MARCHF1: variants seen among roughly 807,000 people sequenced by gnomAD.
MARCHF1 encodes the protein E3 ubiquitin-protein ligase MARCHF1.
MARCHF1 carries 40 observed loss-of-function variants against 54.2 expected under a neutral mutation model. That is an observed-to-expected ratio of 0.74 (90% CI 0.57 to 0.96). The LOEUF (loss-of-function observed/expected upper bound fraction) is 0.96. Among genes scored for constraint, MARCHF1 ranks in the 40% least tolerant of loss-of-function variants. The pLI is 0.00. For missense variants in MARCHF1, 586 were observed against 656.5 expected, an observed-to-expected ratio of 0.89 and a Z score of 1.17; for synonymous variants, 236 against 236.3, an observed-to-expected ratio of 1.00 and a Z score of 0.01.
intron 1 of MARCHF1, among the ~76,000 whole-genome samples, chr4:164,312,752 T>C (rs145092867): frequency 1.3e-5 from 2 of 152,294 alleles, no homozygotes; most frequent in East Asian, 3.9e-4. Flanking sequence ...AATATATATA[T>C]ATACATATCA....
intron 3 of MARCHF1, among the ~76,000 whole-genome samples, chr4:163,903,323 T>A (rs1471122595): frequency 6.6e-6 from 1 of 152,172 alleles, no homozygotes; most frequent in Non-Finnish European, 1.5e-5. Context: ...TTGGAAATTC[T>A]ACTGCAGCTT....
At chr4:163,739,852 A>G (rs1746146354) in intron 4 of MARCHF1, among the ~76,000 whole-genome samples, 1 of 152,194 alleles carries the variant, frequency 6.6e-6, no homozygotes, top group South Asian at 2.1e-4. Context: ...ATCTTGTCCT[A>G]TTGTAAAAAA....
At chr4:164,281,700 C>A (rs1298606852) in intron 1 of MARCHF1, among the ~76,000 whole-genome samples, 3 of 152,064 alleles carry the variant, frequency 2.0e-5, no homozygotes, top group Non-Finnish European at 4.4e-5. Context: ...ACCTGAATAA[C>A]ACATTAAATT....
chr4:164,041,344 C>T (rs1336689767), intron 2 of MARCHF1, among the ~76,000 whole-genome samples: 1 of 152,114 alleles, frequency 6.6e-6, no homozygotes, highest in Non-Finnish European at 1.5e-5. Context: ...TATATCTAGA[C>T]TTTTTATTAT....
intron 1 of MARCHF1, among the ~76,000 whole-genome samples, chr4:164,363,021 C>G (rs2110930963): frequency 6.6e-6 from 1 of 152,156 alleles, no homozygotes; most frequent in Non-Finnish European, 1.5e-5. Context: ...AGTCCAACAA[C>G]CCAGAAGGTA....
chr4:164,346,041 A>G (rs1730083952), intron 1 of MARCHF1, among the ~76,000 whole-genome samples: 1 of 152,198 alleles, frequency 6.6e-6, no homozygotes, highest in African/African-American at 2.4e-5. Context: ...TTTCAGGCCA[A>G]TGGTTTGATT....
chr4:164,177,811 A>AGT (rs1730729310), intron 1 of MARCHF1, among the ~76,000 whole-genome samples: 1 of 97,206 alleles, frequency 1.0e-5, no homozygotes, highest in Non-Finnish European at 2.7e-5. Context: ...AAAGAGACAC[A>AGT]CACACACACA....
At chr4:164,375,022 T>C (rs955169354) in intron 1 of MARCHF1, among the ~76,000 whole-genome samples, 1 of 152,160 alleles carries the variant, frequency 6.6e-6, no homozygotes, top group African/African-American at 2.4e-5. Flanking sequence ...AAAGGAAATA[T>C]AGCTCTAAGT....
chr4:163,837,051 T>C (rs1261209623), intron 4 of MARCHF1, among the ~76,000 whole-genome samples: 1 of 152,170 alleles, frequency 6.6e-6, no homozygotes, highest in Non-Finnish European at 1.5e-5. Context: ...TTATCATATT[T>C]GTATAATCAT....
At chr4:164,078,254 C>A (rs1755019944) in intron 2 of MARCHF1, among the ~76,000 whole-genome samples, 1 of 152,098 alleles carries the variant, frequency 6.6e-6, no homozygotes, top group Non-Finnish European at 1.5e-5. Context: ...TGGAAATCAT[C>A]ATTCTCAGCA....
chr4:163,933,163 C>A (rs1751717839), intron 3 of MARCHF1: 2 of 815,144 alleles, frequency 2.5e-6, no homozygotes, highest in Admixed American at 1.9e-5. Context: ...AGACAGCACC[C>A]TCATTATGGA....
At chr4:163,861,878 A>C (rs1749944720) in intron 3 of MARCHF1, among the ~76,000 whole-genome samples, 1 of 152,060 alleles carries the variant, frequency 6.6e-6, no homozygotes, top group African/African-American at 2.4e-5. Context: ...AAAAGTAAAT[A>C]TATAAGACAA....
At chr4:163,970,330 C>A (rs1161849143) in intron 3 of MARCHF1, among the ~76,000 whole-genome samples, 1 of 152,194 alleles carries the variant, frequency 6.6e-6, no homozygotes, top group African/African-American at 2.4e-5. Flanking sequence ...ATCCTGTCCT[C>A]CCATGGGTCC....
intron 5 of MARCHF1, among the ~76,000 whole-genome samples, chr4:163,649,307 C>CT (rs1742879963): frequency 6.6e-6 from 1 of 151,992 alleles, no homozygotes; most frequent in African/African-American, 2.4e-5. Context: ...TCTAGCTACT[C>CT]TAAGTTTACT....
intron 1 of MARCHF1, among the ~76,000 whole-genome samples, chr4:164,181,591 T>C (rs1391204099): frequency 5.3e-5 from 8 of 152,184 alleles, no homozygotes; most frequent in Non-Finnish European, 1.2e-4. Context: ...AGTTATTTAT[T>C]TCCATGACAG....
intron 4 of MARCHF1, among the ~76,000 whole-genome samples, chr4:163,848,334 A>G (rs887643185): frequency 1.3e-5 from 2 of 152,216 alleles, no homozygotes; most frequent in African/African-American, 4.8e-5. Flanking sequence ...TCAAACACAT[A>G]GAGTGACACT....
chr4:163,731,842 C>T (rs1045726536), intron 4 of MARCHF1, among the ~76,000 whole-genome samples: 6 of 152,082 alleles, frequency 3.9e-5, no homozygotes, highest in Admixed American at 1.3e-4. Context: ...GAAGTTTTTC[C>T]TAGTAATGGA....
chr4:164,313,353 A>AAAAAAG (rs1287608833), intron 1 of MARCHF1, among the ~76,000 whole-genome samples: 4 of 151,236 alleles, frequency 2.6e-5, no homozygotes, highest in Admixed American at 2.6e-4. Context: ...TGTCTCAAAA[A>AAAAAAG]AAAAAAAAAA....
chr4:163,961,217 A>G (rs1455238539), intron 3 of MARCHF1, among the ~76,000 whole-genome samples: 1 of 151,948 alleles, frequency 6.6e-6, no homozygotes, highest in East Asian at 1.9e-4. Flanking sequence ...AACAGCAGCA[A>G]TAACTTAAAC....
Sources: allele counts gnomAD v4.1 joint callset (sites outside exome capture counted in the v4.1 genomes callset), GRCh38; gene constraint gnomAD v4.1.1; transcripts MANE v1.5; gene names NCBI Gene and HGNC (gene_info 2026-07-23, HGNC 2026-07-21).